The following XNDC1N variants were observed in gnomAD, a reference collection of about 807,000 sequenced individuals.
XNDC1N encodes the protein protein XNDC1N.
At chr11:71,907,427 G>A in the XNDC1N span, among the ~76,000 whole-genome samples, 2 of 149,816 alleles carry the variant, frequency 1.3e-5, no homozygotes, top group Non-Finnish European at 3.0e-5. Flanking sequence ...GCAGGGGGGC[G>A]AGGAGCCCCC....
the XNDC1N span, among the ~76,000 whole-genome samples, chr11:71,907,646 T>C: frequency 6.6e-6 from 1 of 151,872 alleles, no homozygotes; most frequent in East Asian, 1.9e-4. Flanking sequence ...ATCACAGGGG[T>C]ATTTCTACTC....
At chr11:71,888,405 G>A in the XNDC1N span, among the ~76,000 whole-genome samples, 1 of 152,214 alleles carries the variant, frequency 6.6e-6, no homozygotes, top group African/African-American at 2.4e-5. Flanking sequence ...CGGTCACCAA[G>A]GGGGCGGGGA....
chr11:71,867,042 A>G, the XNDC1N span, among the ~76,000 whole-genome samples: 1 of 152,326 alleles, frequency 6.6e-6, no homozygotes, highest in East Asian at 1.9e-4. Context: ...ACCATAACTC[A>G]TATAACCTTG....
chr11:71,911,408 G>A, the XNDC1N span, among the ~76,000 whole-genome samples: 755 of 152,282 alleles, frequency 5.0e-3, 4 homozygotes, highest in Non-Finnish European at 8.8e-3. Context: ...CCTGACCTCC[G>A]GGACCAGCCT....
the XNDC1N span, among the ~76,000 whole-genome samples, chr11:71,894,898 T>C: frequency 6.6e-6 from 1 of 152,230 alleles, no homozygotes; most frequent in African/African-American, 2.4e-5. Context: ...AGTGAGGACA[T>C]ACTGTACATC....
chr11:71,874,495 G>A, the XNDC1N span, among the ~76,000 whole-genome samples: 1 of 152,156 alleles, frequency 6.6e-6, no homozygotes, highest in Non-Finnish European at 1.5e-5. Context: ...GCAAGACTAA[G>A]GGGAGTGTGA....
At chr11:71,869,459 G>T in the XNDC1N span, among the ~76,000 whole-genome samples, 1 of 152,146 alleles carries the variant, frequency 6.6e-6, no homozygotes, top group Non-Finnish European at 1.5e-5. Context: ...TCACTGATGG[G>T]CATTTGGGTT....
the XNDC1N span, among the ~76,000 whole-genome samples, chr11:71,919,605 G>GTTTTTTTTTTTT: frequency 9.2e-5 from 1 of 10,906 alleles, no homozygotes; most frequent in Admixed American, 1.3e-3. Flanking sequence ...GGCCAGGTTG[G>GTTTTTTTTTTTT]TTTTTTTTTT....
At chr11:71,913,344 G>C in the XNDC1N span, among the ~76,000 whole-genome samples, 1 of 152,012 alleles carries the variant, frequency 6.6e-6, no homozygotes, top group East Asian at 1.9e-4. Context: ...GCGATATTGG[G>C]AGTAAGATCA....
chr11:71,914,266 C>G, the XNDC1N span: 1 of 456,050 alleles, frequency 2.2e-6, no homozygotes, highest in Non-Finnish European at 4.4e-6. Flanking sequence ...ATTAAGAATA[C>G]TGGTGATTCA....
chr11:71,878,117 C>T, the XNDC1N span, among the ~76,000 whole-genome samples: 1 of 152,174 alleles, frequency 6.6e-6, no homozygotes, highest in African/African-American at 2.4e-5. Context: ...GAATGCTTTT[C>T]CTCTATAACT....
the XNDC1N span, among the ~76,000 whole-genome samples, chr11:71,882,015 C>T: frequency 6.6e-6 from 1 of 151,526 alleles, no homozygotes; most frequent in East Asian, 1.9e-4. Flanking sequence ...GAGAGAATAC[C>T]AAGCAAGATA....
chr11:71,877,507 G>C, the XNDC1N span, among the ~76,000 whole-genome samples: 1 of 152,200 alleles, frequency 6.6e-6, no homozygotes, highest in African/African-American at 2.4e-5. Context: ...GCATGGAGAC[G>C]TGTGCCTGTA....
the XNDC1N span, among the ~76,000 whole-genome samples, chr11:71,881,511 A>T: frequency 2.6e-5 from 4 of 152,038 alleles, no homozygotes; most frequent in Admixed American, 2.0e-4. Context: ...CCTTCTTGCC[A>T]TGTCCTCTTA....
the XNDC1N span, among the ~76,000 whole-genome samples, chr11:71,878,273 T>C: frequency 6.6e-6 from 1 of 152,210 alleles, no homozygotes; most frequent in African/African-American, 2.4e-5. Flanking sequence ...AAATGACTGA[T>C]AGTCATGATG....
the XNDC1N span, among the ~76,000 whole-genome samples, chr11:71,895,994 A>T: frequency 6.6e-6 from 1 of 152,148 alleles, no homozygotes; most frequent in African/African-American, 2.4e-5. Flanking sequence ...AAAGGAAACC[A>T]TGGCCAGGTG....
chr11:71,903,410 C>T, the XNDC1N span: 11 of 1,343,610 alleles, frequency 8.2e-6, no homozygotes, highest in African/African-American at 1.4e-4. Flanking sequence ...ATCGGTTTCA[C>T]CTCCACACGG....
chr11:71,865,667 A>G, the XNDC1N span: 3 of 212,446 alleles, frequency 1.4e-5, no homozygotes, highest in African/African-American at 7.1e-5. Flanking sequence ...CGATTTTACC[A>G]TACAATATTG....
the XNDC1N span, among the ~76,000 whole-genome samples, chr11:71,910,999 G>A: frequency 5.3e-5 from 8 of 152,260 alleles, no homozygotes; most frequent in Admixed American, 5.2e-4. Flanking sequence ...GTAACAGAGA[G>A]AGAAAAGATG....
Sources: allele counts gnomAD v4.1 joint callset (sites outside exome capture counted in the v4.1 genomes callset), GRCh38; gene constraint gnomAD v4.1.1; transcripts MANE v1.5; gene names NCBI Gene and HGNC (gene_info 2026-07-23, HGNC 2026-07-21).